The following ABCA13 variants were observed in gnomAD, a reference collection of about 807,000 sequenced individuals.
ABCA13 encodes ATP binding cassette subfamily A member 13.
Under a neutral mutation model 478.7 loss-of-function variants are expected in ABCA13, and 476 were observed. That is an observed-to-expected ratio of 0.99 (90% CI 0.92 to 1.07). The LOEUF (loss-of-function observed/expected upper bound fraction) is 1.07, where lower values mean the gene tolerates loss of function less well. Ranked by LOEUF, ABCA13 falls within the 50% of genes least tolerant of loss-of-function variation. The pLI is 0.00. For missense variants in ABCA13, 6,060 were observed against 5,910.6 expected, an observed-to-expected ratio of 1.03 and a Z score of -0.83; for synonymous variants, 2,252 against 2,158.9, an observed-to-expected ratio of 1.04 and a Z score of -1.20.
At chr7:48,265,882 G>A (rs1178957427) in intron 15 of ABCA13, among the ~76,000 whole-genome samples, 2 of 151,594 alleles carry the variant, frequency 1.3e-5, no homozygotes, top group Non-Finnish European at 3.0e-5. Context: ...TGAGTGTAAT[G>A]TTAGCTATAG....
rs1832416195 is a variant in ABCA13, at chr7:48,519,912, C to T, written c.13798-129C>T. The T allele has an allele frequency of 5.7e-6, 5 of 880,946 alleles. No individual in the cohort carries two copies. In the South Asian group the frequency reaches 1.3e-4, roughly 23 times the overall value. The allele number at this position is 880,946 out of a possible 1,614,324, so 54.6% of individuals were successfully genotyped here. On this transcript the variant is annotated intron_variant, in intron 52 of 61. Transcript: ENST00000435803. ...TGTTTTGATGGCTGTCTGAGAATATCAGTGAATAGTTGGGATAGGGAAGAC... is the reference window on the plus strand; with the variant it reads ...TGTTTTGATGGCTGTCTGAGAATATTAGTGAATAGTTGGGATAGGGAAGAC...
At chr7:48,628,156 C>G (rs1793839061) in intron 59 of ABCA13, among the ~76,000 whole-genome samples, 1 of 152,168 alleles carries the variant, frequency 6.6e-6, no homozygotes, top group African/African-American at 2.4e-5. Context: ...GTTCTCTGCT[C>G]TACTGTCCCC....
chr7:48,358,647 A>T (rs984560564), intron 31 of ABCA13, among the ~76,000 whole-genome samples: 1 of 152,054 alleles, frequency 6.6e-6, no homozygotes, highest in African/African-American at 2.4e-5. Flanking sequence ...ATGGATGCAG[A>T]GATCAGCACT....
At chr7:48,175,227 TTTTAA>T (rs2128852600) in intron 1 of ABCA13, among the ~76,000 whole-genome samples, 1 of 152,336 alleles carries the variant, frequency 6.6e-6, no homozygotes, top group East Asian at 1.9e-4. Flanking sequence ...TTTTTATTTC[TTTTAA>T]TTTTAATTTT....
intron 42 of ABCA13, among the ~76,000 whole-genome samples, chr7:48,428,411 C>T (rs1476579676): frequency 1.3e-5 from 2 of 152,140 alleles, no homozygotes; most frequent in African/African-American, 4.8e-5. Context: ...GTGACTGAAG[C>T]TCCAGTTCAG....
At chr7:48,487,118 C>G (rs1356547061) in intron 47 of ABCA13, among the ~76,000 whole-genome samples, 4 of 151,994 alleles carry the variant, frequency 2.6e-5, no homozygotes, top group African/African-American at 7.3e-5. Context: ...CGAGACCAGC[C>G]TGACCAACAT....
At chr7:48,522,890 G>A (rs897779349) in intron 53 of ABCA13, among the ~76,000 whole-genome samples, 2 of 151,938 alleles carry the variant, frequency 1.3e-5, no homozygotes, top group Non-Finnish European at 2.9e-5. Context: ...AGGCAGGAGG[G>A]AATACAGTGG....
chr7:48,290,939 G>A (rs1798422636), intron 20 of ABCA13, among the ~76,000 whole-genome samples: 1 of 79,612 alleles, frequency 1.3e-5, no homozygotes. Context: ...TCACACTCAG[G>A]GAAAAAAAAA....
intron 58 of ABCA13, among the ~76,000 whole-genome samples, chr7:48,602,883 A>T (rs878881870): frequency 6.6e-6 from 1 of 151,546 alleles, no homozygotes; most frequent in South Asian, 2.1e-4. Flanking sequence ...TTTTCACTTG[A>T]TTGTGTCCTC....
At chr7:48,569,265 C>A (rs1301324085) in intron 55 of ABCA13, among the ~76,000 whole-genome samples, 2 of 152,064 alleles carry the variant, frequency 1.3e-5, no homozygotes, top group Non-Finnish European at 2.9e-5. Flanking sequence ...TGTATCTTCT[C>A]TTTATGTACC....
At chr7:48,400,857 A>G (rs1817506641) in intron 38 of ABCA13, among the ~76,000 whole-genome samples, 1 of 152,256 alleles carries the variant, frequency 6.6e-6, no homozygotes, top group Non-Finnish European at 1.5e-5. Flanking sequence ...AGTGGATATT[A>G]TATTCACTGA....
Position 48,507,980 on chromosome 7 carries a change from C to T in ABCA13, c.13455C>T (p.Ala4485=). The change falls in exon 50 of 62, where the codon GCC becomes GCT. Residue 4485 remains alanine (A), a synonymous_variant. Transcript: ENST00000435803. ...TGGTGAGGGACAGGGTGATTGGAGC[C>T]AAAAGGTTGCAGCACATAAGTGGCC... ...SSVVRDRVIG[A]KRLQHISGLG... 1 of 1,613,790 alleles carries T rather than the reference C, an allele frequency of 6.2e-7. No homozygotes were observed. Among genetic ancestry groups the T allele is most frequent in the Non-Finnish European group, 8.5e-7 (1 of 1,179,822 alleles).
chr7:48,379,618 A>G (rs1814036123), intron 35 of ABCA13, among the ~76,000 whole-genome samples: 1 of 152,200 alleles, frequency 6.6e-6, no homozygotes, highest in Non-Finnish European at 1.5e-5. Flanking sequence ...AAAGGTCAGA[A>G]GCCATTTGGC....
chr7:48,409,276 A>C (rs1033725998), intron 39 of ABCA13, among the ~76,000 whole-genome samples: 1 of 152,212 alleles, frequency 6.6e-6, no homozygotes, highest in African/African-American at 2.4e-5. Context: ...TACATAACTG[A>C]ATCAACTTCA....
At position 48,219,883 on chromosome 7, in the gene ABCA13, AACACACACACACACACAC is replaced by A. The variant is rs3065570; in HGVS notation, c.439+412_439+429del. Among the ~76,000 whole-genome samples, 324 of 126,572 alleles carry A rather than the reference AACACACACACACACACAC, an allele frequency of 2.6e-3. 1 individual carries two copies. The highest frequency in any genetic ancestry group is 8.2e-3 in the African/African-American group (270 of 32,876). The allele number at this position is 126,572 out of a possible 152,430, so 83.0% of individuals were successfully genotyped here. A position where few individuals can be genotyped will look rare whatever the true frequency, so the allele number is the denominator to read the frequency against. On this transcript the variant is annotated intron_variant, in intron 4 of 61. Transcript: ENST00000435803. ...TTAAAATCTGTCCCCACCTTCCCCA[AACACACACACACACACAC>A]ACACACACACACACACACACACACA...
At chr7:48,268,197 C>A (rs1795114235) in intron 15 of ABCA13, among the ~76,000 whole-genome samples, 1 of 151,948 alleles carries the variant, frequency 6.6e-6, no homozygotes, top group Non-Finnish European at 1.5e-5. Context: ...CGCTCTGTCA[C>A]CCAGGCAGGA....
rs1788331358 is a variant in ABCA13 at position 48,227,145 on chromosome 7, T to C, written c.469-117T>C. The C allele has an allele frequency of 4.3e-6, 4 of 930,312 alleles. No individual in the cohort carries two copies. The South Asian group carries it at 6.3e-5, about 15-fold the overall frequency. The allele number at this position is 930,312 out of a possible 1,614,324, so 57.6% of individuals were successfully genotyped here. ...GTTCAATGTAGTGATATATTAAGTG[T>C]GAGTTTCTACTAGGAGAATGTCTAC... On this transcript the variant is annotated intron_variant, in intron 5 of 61. Coordinates refer to ENST00000435803, the MANE Select transcript of ABCA13 (RefSeq NM_152701.5).
In ABCA13 at chr7:48,389,239, T is replaced by C; in HGVS notation, c.11654+19T>C. The C allele has an allele frequency of 6.3e-7, 1 of 1,594,360 alleles. No homozygotes were observed. ...CTATCATGTGGGTCCCATTTTACCC[T>C]TATCAAACACTGGGCATTTGATTCT... On this transcript the variant is annotated intron_variant, in intron 37 of 61. Transcript: ENST00000435803.
At chr7:48,338,490 G>T (rs1352943078) in intron 29 of ABCA13, 35 bp downstream of exon 29, 2 of 1,520,910 alleles carry the variant, frequency 1.3e-6, no homozygotes, top group Admixed American at 4.0e-5. Flanking sequence ...GTGTTCTTCT[G>T]CCCATATGGC....
Sources: gnomAD v4.1 joint callset for allele counts (sites outside exome capture counted in the v4.1 genomes callset) on GRCh38, gnomAD v4.1.1 for gene constraint, MANE v1.5 for transcripts, NCBI Gene and HGNC (gene_info 2026-07-23, HGNC 2026-07-21) for gene names.